CDH3: variants seen among roughly 807,000 people sequenced by gnomAD.
CDH3 encodes cadherin 3.
Under a neutral mutation model 82.0 loss-of-function variants are expected in CDH3, and 54 were observed. That is an observed-to-expected ratio of 0.66 (90% CI 0.53 to 0.83). The LOEUF (loss-of-function observed/expected upper bound fraction) is 0.83, where lower values mean the gene tolerates loss of function less well. CDH3 is among the 40% of genes least tolerant of loss of function. The pLI is 0.00. For synonymous variants in CDH3, 446 were observed against 437.9 expected (o/e 1.02, Z -0.23); for missense variants, 1,054 against 1,084.6 (o/e 0.97, Z 0.40).
At chr16:68,672,700 G>T (rs553503630) in intron 2 of CDH3, among the ~76,000 whole-genome samples, 1 of 152,286 alleles carries the variant, frequency 6.6e-6, no homozygotes, top group South Asian at 2.1e-4. Flanking sequence ...AAGGAGGCAG[G>T]GCTGGTTCCT....
At chr16:68,646,053 T>G in intron 2 of CDH3, 1 of 436,922 alleles carries the variant, frequency 2.3e-6, no homozygotes, top group Non-Finnish European at 4.2e-6. Flanking sequence ...TCTCCCCCGC[T>G]GGCCCCAGCA....
intron 1 of CDH3, among the ~76,000 whole-genome samples, chr16:68,720,996 G>A (rs1962157053): frequency 6.6e-6 from 1 of 152,082 alleles, no homozygotes; most frequent in East Asian, 1.9e-4. Flanking sequence ...CTAGATGGTA[G>A]GAACTAGCAC....
In CDH3 at chr16:68,707,092, G is replaced by A. The variant is rs1961974106; in HGVS notation, c.99+11169G>A. On this transcript the variant is annotated intron_variant, in intron 1 of 2. Transcript: ENST00000569080. This position sits in a 1 kb window ranked among gnomAD's most constrained non-coding sequence, Gnocchi z 4.5. ...CCAGGGAAGGCACTGCTGGGAAGGT[G>A]GCATTTGGACAAAGACTGGAGGCTA... is the stretch of plus-strand genomic sequence containing the variant. 6.6e-6 allele frequency among the ~76,000 whole-genome samples: 1 copy of A among 152,196 alleles called. No individual in the cohort carries two copies. The highest frequency in any genetic ancestry group is 1.5e-5 in the Non-Finnish European group (1 of 68,038).
At chr16:68,664,498 G>T (rs1960682752) in intron 2 of CDH3, among the ~76,000 whole-genome samples, 1 of 152,082 alleles carries the variant, frequency 6.6e-6, no homozygotes, top group African/African-American at 2.4e-5. Flanking sequence ...GTGGGCGGTC[G>T]GCAGGGAATC....
At chr16:68,657,357 T>C (rs778165051) in intron 2 of CDH3, among the ~76,000 whole-genome samples, 1 of 151,956 alleles carries the variant, frequency 6.6e-6, no homozygotes, top group Non-Finnish European at 1.5e-5. Context: ...CTACTAAAAA[T>C]ATAAAAATTA....
intron 1 of CDH3, among the ~76,000 whole-genome samples, chr16:68,710,438 C>T (rs2152109949): frequency 6.6e-6 from 1 of 152,286 alleles, no homozygotes; most frequent in African/African-American, 2.4e-5. Flanking sequence ...TGGTTGTTAC[C>T]ACTGGAGTGG....
At chr16:68,686,196 C>T (rs74653085) in intron 11 of CDH3, among the ~76,000 whole-genome samples, 3,763 of 152,346 alleles carry the variant, frequency 0.025, 68 homozygotes, top group Non-Finnish European at 0.039. Flanking sequence ...TCCCAGTTCC[C>T]GCATCAGTGG....
chr16:68,666,688 G>C (rs1442535905), intron 2 of CDH3, among the ~76,000 whole-genome samples: 1 of 152,100 alleles, frequency 6.6e-6, no homozygotes, highest in Non-Finnish European at 1.5e-5. Flanking sequence ...TCTTCTTTTT[G>C]GTACAAGAAT....
At chr16:68,713,936 T>C (rs1201768347) in intron 1 of CDH3, among the ~76,000 whole-genome samples, 2 of 151,116 alleles carry the variant, frequency 1.3e-5, no homozygotes, top group African/African-American at 4.9e-5. Context: ...TTATTATTAT[T>C]ATTATTATTA....
rs562645181 is a variant in CDH3 at position 68,645,430 on chromosome 16, C to T, written c.45+6C>T. ...CGTCTCTCCTCCTTCTCCAGGTACT[C>T]CACAGCCTCGCCGTGGCCCCGACCG... On this transcript the variant is annotated splice_donor_region_variant and intron_variant, in intron 1 of 15. Transcript: ENST00000264012. 2.5e-6 allele frequency: 4 copies of T among 1,613,154 alleles called. No individual in the cohort carries two copies. The highest frequency in any genetic ancestry group is 1.7e-5 in the Admixed American group (1 of 60,014).
At chr16:68,728,303 C>A (rs1189856709), downstream of CDH3, among the ~76,000 whole-genome samples, 1 of 152,004 alleles carries the variant, frequency 6.6e-6, no homozygotes, top group Non-Finnish European at 1.5e-5. Context: ...GCAGCTGGGA[C>A]TGCAGGCGCC....
At chr16:68,669,005 C>T (rs1032332600) in intron 2 of CDH3, among the ~76,000 whole-genome samples, 4 of 152,138 alleles carry the variant, frequency 2.6e-5, no homozygotes, top group South Asian at 2.1e-4. Context: ...TATAATCATA[C>T]AATTTGCCCA....
chr16:68,698,648 G>C lies in CDH3; in HGVS notation c.*248G>C, dbSNP rs1961822088. The C allele has an allele frequency of 1.8e-6, 1 of 555,124 alleles. No individual in the cohort carries two copies. The highest frequency in any genetic ancestry group is 3.2e-6 in the Non-Finnish European group (1 of 310,302). The allele number at this position is 555,124 out of a possible 1,614,324, so 34.4% of individuals were successfully genotyped here. ...GGGCCAGGGTTGCCTCAGAGGCCAA[G>C]TTTCCAGAAGCCTCTTACCTGCCGT... On this transcript the variant is annotated 3_prime_UTR_variant, in exon 16 of 16. Coordinates refer to ENST00000264012, the MANE Select transcript of CDH3 (RefSeq NM_001793.6).
chr16:68,655,865 A>G (rs536702643), intron 2 of CDH3, among the ~76,000 whole-genome samples: 1 of 152,168 alleles, frequency 6.6e-6, no homozygotes, highest in Non-Finnish European at 1.5e-5. Flanking sequence ...GCCGTCTCAA[A>G]AAAAGAAAAA....
intron 1 of CDH3, among the ~76,000 whole-genome samples, chr16:68,711,666 C>T (rs1042992029): frequency 1.3e-5 from 2 of 152,204 alleles, no homozygotes; most frequent in African/African-American, 4.8e-5. Context: ...CCCGTGGGAA[C>T]TTACATCCTT....
rs920869208 is a variant in CDH3, at chr16:68,680,985, A to G, written c.885A>G (p.Thr295=). The change falls in exon 8 of 16, where the codon ACA becomes ACG. Residue 295 remains threonine, a synonymous_variant. Coordinates refer to ENST00000264012, the MANE Select transcript of CDH3 (RefSeq NM_001793.6). Reference sequence around the variant, plus strand: ...CTCCCCAGAAAGTCCCTGAGTACACACTGACCATCCAGGCCACAGACATGG... The same window carrying G: ...CTCCCCAGAAAGTCCCTGAGTACACGCTGACCATCCAGGCCACAGACATGG... ...GLDREKVPEY[T]LTIQATDMDG... is the part of the protein sequence containing the mutation. 1 of 1,614,028 alleles carries G rather than the reference A, an allele frequency of 6.2e-7. No individual in the cohort carries two copies. The highest frequency in any genetic ancestry group is 8.5e-7 in the Non-Finnish European group (1 of 1,179,986).
At chr16:68,731,481 C>T (rs1233792277), downstream of CDH3, among the ~76,000 whole-genome samples, 3 of 37,474 alleles carry the variant, frequency 8.0e-5, 1 homozygote, top group African/African-American at 2.6e-4. Context: ...TACACACACA[C>T]GTATATACAC....
At chr16:68,669,856 T>C (rs771667630) in intron 2 of CDH3, among the ~76,000 whole-genome samples, 28 of 152,122 alleles carry the variant, frequency 1.8e-4, no homozygotes, top group Non-Finnish European at 3.8e-4. Context: ...CAGTGGCTCA[T>C]GCCTGTAATC....
rs982854645 is a variant in CDH3 at position 68,712,438 on chromosome 16, A to C, written c.100-9987A>C. ...AAGCTACGATAATAGCAACAATAAT[A>C]ATAATGGTCATAATAATTATAATAA... On this transcript the variant is annotated intron_variant, in intron 1 of 2. Transcript: ENST00000569080. Among the ~76,000 whole-genome samples, 13 of 152,184 alleles carry C rather than the reference A, an allele frequency of 8.5e-5. 1 individual carries two copies. The highest frequency in any genetic ancestry group is 2.0e-4 in the Admixed American group (3 of 15,264).
Sources: allele counts gnomAD v4.1 joint callset (sites outside exome capture counted in the v4.1 genomes callset), GRCh38; gene constraint gnomAD v4.1.1; non-coding constraint Gnocchi (gnomAD v3.1); transcripts MANE v1.5; gene names NCBI Gene and HGNC (gene_info 2026-07-23, HGNC 2026-07-21).